The following DCC variants were observed in gnomAD, a reference collection of about 807,000 sequenced individuals.
The protein encoded by DCC is netrin receptor DCC.
DCC carries 58 observed loss-of-function variants against 172.5 expected under a neutral mutation model. The observed-to-expected ratio is 0.34, with a 90% confidence interval of 0.27 to 0.42. The LOEUF is 0.42. Among genes scored for constraint, DCC ranks in the 10% least tolerant of loss-of-function variants. The pLI is 1.00. For missense variants in DCC, 1,740 were observed against 1,791.0 expected (o/e 0.97, Z 0.51); for synonymous variants, 709 against 644.5 (o/e 1.10, Z -1.52).
chr18:52,410,098 A>T (rs1248249428), intron 1 of DCC, among the ~76,000 whole-genome samples: 1 of 152,122 alleles, frequency 6.6e-6, no homozygotes, highest in Non-Finnish European at 1.5e-5. Flanking sequence ...CCTGACAATG[A>T]GTTCTTCCAA....
intron 1 of DCC, among the ~76,000 whole-genome samples, chr18:52,413,258 C>G (rs1477150131): frequency 1.3e-5 from 2 of 150,784 alleles, no homozygotes; most frequent in African/African-American, 4.9e-5. Flanking sequence ...AACCTCATAG[C>G]TTTTAAGATG....
At chr18:52,497,592 C>T (rs1311869226) in intron 1 of DCC, among the ~76,000 whole-genome samples, 2 of 151,862 alleles carry the variant, frequency 1.3e-5, no homozygotes, top group African/African-American at 2.4e-5. Context: ...CATCCCCTAA[C>T]AAGTGATTTT....
intron 12 of DCC, among the ~76,000 whole-genome samples, chr18:53,280,885 T>G (rs1374186729): frequency 6.6e-6 from 1 of 152,128 alleles, no homozygotes; most frequent in Non-Finnish European, 1.5e-5. Flanking sequence ...TGATTATTGG[T>G]CATTTCATAT....
intron 1 of DCC, among the ~76,000 whole-genome samples, chr18:52,599,812 C>A (rs1193063263): frequency 6.6e-6 from 1 of 152,010 alleles, no homozygotes; most frequent in Admixed American, 6.5e-5. Context: ...CCGCGCCCGG[C>A]CTGTCTATAA....
chr18:52,594,911 C>T (rs528607394), intron 1 of DCC, among the ~76,000 whole-genome samples: 1 of 152,312 alleles, frequency 6.6e-6, no homozygotes, highest in East Asian at 1.9e-4. Flanking sequence ...GATTACATTT[C>T]AACATGAGAT....
intron 2 of DCC, among the ~76,000 whole-genome samples, chr18:52,836,395 G>A (rs1213274572): frequency 3.3e-5 from 5 of 152,160 alleles, no homozygotes; most frequent in East Asian, 1.9e-4. Flanking sequence ...TCTGAGGTAA[G>A]GCAAGTCCCT....
chr18:52,697,495 A>G (rs1215240550), intron 1 of DCC, among the ~76,000 whole-genome samples: 1 of 152,206 alleles, frequency 6.6e-6, no homozygotes, highest in African/African-American at 2.4e-5. Flanking sequence ...AGAACATCAT[A>G]ATAATGCCTA....
rs181075785 is a variant in DCC at position 52,548,256 on chromosome 18, A to G, written c.92-203798A>G. On this transcript the variant is annotated intron_variant, in intron 1 of 28. Coordinates refer to ENST00000442544, the MANE Select transcript of DCC (RefSeq NM_005215.4). ...CAACACTTTCTTAACCATCCTTAAT[A>G]TAGGCCAATATTCCAAATAAGTTGT... Among the ~76,000 whole-genome samples, 257 of 152,214 alleles carry G rather than the reference A, an allele frequency of 1.7e-3. 1 individual carries two copies. The highest frequency in any genetic ancestry group is 5.4e-3 in the African/African-American group (226 of 41,542).
At chr18:53,282,785 G>C (rs1422339218) in intron 12 of DCC, among the ~76,000 whole-genome samples, 1 of 152,080 alleles carries the variant, frequency 6.6e-6, no homozygotes, top group African/African-American at 2.4e-5. Context: ...ACAGTACTCA[G>C]CCTCATGTTA....
intron 3 of DCC, among the ~76,000 whole-genome samples, chr18:52,909,749 C>A (rs1485250409): frequency 6.6e-6 from 1 of 152,002 alleles, no homozygotes; most frequent in African/African-American, 2.4e-5. Flanking sequence ...TCTTACATAC[C>A]TGACATCTTG....
intron 12 of DCC, among the ~76,000 whole-genome samples, chr18:53,222,157 G>A (rs1386160909): frequency 6.6e-6 from 1 of 151,810 alleles, no homozygotes; most frequent in Non-Finnish European, 1.5e-5. Flanking sequence ...ATGAATTAGA[G>A]GAATAATAAA....
chr18:52,995,719 G>C (rs1196812299), intron 5 of DCC, among the ~76,000 whole-genome samples: 1 of 151,796 alleles, frequency 6.6e-6, no homozygotes, highest in Non-Finnish European at 1.5e-5. Context: ...ATTTACTATC[G>C]TAAATTCCAG....
intron 5 of DCC, among the ~76,000 whole-genome samples, chr18:52,935,924 C>T (rs2040374880): frequency 6.6e-6 from 1 of 151,938 alleles, no homozygotes; most frequent in Admixed American, 6.6e-5. Flanking sequence ...CTGTAATTGC[C>T]CTTATTAACA....
chr18:52,451,694 G>A lies in DCC; in HGVS notation c.91+110816G>A, dbSNP rs768881795. ...TGTGGGCGTGTGTGTGTATGTATGT[G>A]TGTGTGTGTGTGTACCTAATGACTA... On this transcript the variant is annotated intron_variant, in intron 1 of 28. Coordinates refer to ENST00000442544, the MANE Select transcript of DCC (RefSeq NM_005215.4). 2.6e-5 allele frequency among the ~76,000 whole-genome samples: 4 copies of A among 152,192 alleles called. No homozygotes were observed. The East Asian group carries it at 7.7e-4, about 29-fold the overall frequency.
At chr18:53,441,223 A>C (rs1477920034) in intron 22 of DCC, among the ~76,000 whole-genome samples, 1 of 152,168 alleles carries the variant, frequency 6.6e-6, no homozygotes, top group Non-Finnish European at 1.5e-5. Context: ...AAATAAATCA[A>C]GTGTCCCATT....
chr18:52,751,565 C>A (rs2036994854), intron 1 of DCC, among the ~76,000 whole-genome samples: 1 of 152,120 alleles, frequency 6.6e-6, no homozygotes, highest in African/African-American at 2.4e-5. Context: ...AATAACTTTG[C>A]CCATGCTGTT....
chr18:52,618,694 C>G (rs957158574), intron 1 of DCC, among the ~76,000 whole-genome samples: 1 of 152,116 alleles, frequency 6.6e-6, no homozygotes, highest in Non-Finnish European at 1.5e-5. Context: ...TCAAAAATGA[C>G]ACAATTCTTC....
At chr18:52,905,931 A>G in intron 2 of DCC, 113 bp from the exon 3 acceptor site, 1 of 827,038 alleles carries the variant, frequency 1.2e-6, no homozygotes, top group Non-Finnish European at 2.0e-6. Flanking sequence ...GATATTTGAG[A>G]AAACAGCTTG....
At chr18:52,661,326 C>A (rs2035354870) in intron 1 of DCC, among the ~76,000 whole-genome samples, 1 of 152,142 alleles carries the variant, frequency 6.6e-6, no homozygotes, top group South Asian at 2.1e-4. Flanking sequence ...CAGAGCTGAG[C>A]AATTGGATAT....
Sources: gnomAD v4.1 joint callset for allele counts (sites outside exome capture counted in the v4.1 genomes callset) on GRCh38, gnomAD v4.1.1 for gene constraint, MANE v1.5 for transcripts, NCBI Gene and HGNC (gene_info 2026-07-23, HGNC 2026-07-21) for gene names.